The following HECTD4 variants were observed in gnomAD, a reference collection of about 807,000 sequenced individuals.
HECTD4 encodes probable E3 ubiquitin-protein ligase HECTD4.
A neutral mutation model predicts 471.5 loss-of-function variants in HECTD4; 114 were observed. The ratio of observed to expected loss-of-function variants is 0.24; its 90% CI spans 0.21 to 0.28. The LOEUF (loss-of-function observed/expected upper bound fraction) is 0.28, where lower values mean the gene tolerates loss of function less well. Among genes scored for constraint, HECTD4 ranks in the 10% least tolerant of loss-of-function variants. HECTD4 has a pLI of 1.00. For missense variants in HECTD4, 3,866 were observed against 5,651.5 expected, an observed-to-expected ratio of 0.68 and a Z score of 10.13; for synonymous variants, 2,012 against 2,256.0, an observed-to-expected ratio of 0.89 and a Z score of 3.07.
At chr12:112,177,190 T>C (rs1207974727) in intron 64 of HECTD4, among the ~76,000 whole-genome samples, 1 of 152,150 alleles carries the variant, frequency 6.6e-6, no homozygotes, top group Non-Finnish European at 1.5e-5. Flanking sequence ...GAAACACCAT[T>C]TCTACATAAT....
intron 1 of HECTD4, among the ~76,000 whole-genome samples, chr12:112,351,484 G>C (rs1276917453): frequency 6.6e-6 from 1 of 152,174 alleles, no homozygotes; most frequent in African/African-American, 2.4e-5. Flanking sequence ...TCTTTTAATA[G>C]TAGAAAACCA....
At chr12:112,175,975 C>T in intron 65 of HECTD4, 116 bp from the exon 66 acceptor site, 2 of 1,291,618 alleles carry the variant, frequency 1.5e-6, no homozygotes, top group Non-Finnish European at 2.2e-6. Context: ...TCTAATTCCC[C>T]TCTCCCTCCC....
intron 2 of HECTD4, among the ~76,000 whole-genome samples, chr12:112,316,145 C>T (rs561568683): frequency 1.3e-4 from 20 of 152,116 alleles, no homozygotes; most frequent in Non-Finnish European, 2.6e-4. Flanking sequence ...TCTACTATCA[C>T]GTTCCAGAAA....
chr12:112,367,230 T>C (rs1594079431), intron 1 of HECTD4, among the ~76,000 whole-genome samples: 1 of 146,888 alleles, frequency 6.8e-6, no homozygotes, highest in Non-Finnish European at 1.5e-5. Flanking sequence ...ACCGGGGAGG[T>C]AGAGGTTGCA....
At chr12:112,265,738 C>T (rs1440756001) in intron 15 of HECTD4, 140 bp downstream of exon 15, 4 of 630,850 alleles carry the variant, frequency 6.3e-6, no homozygotes, top group Non-Finnish European at 1.1e-5. Context: ...TATTATCTTT[C>T]AACTGGTCCA....
intron 7 of HECTD4, among the ~76,000 whole-genome samples, chr12:112,303,794 G>A (rs1009821938): frequency 2.8e-4 from 42 of 150,238 alleles, no homozygotes; most frequent in African/African-American, 1.0e-3. Context: ...AGGCCACAAT[G>A]AGCCATGACT....
intron 54 of HECTD4, among the ~76,000 whole-genome samples, chr12:112,201,921 T>C (rs2032440726): frequency 6.6e-6 from 1 of 152,252 alleles, no homozygotes; most frequent in Admixed American, 6.5e-5. Flanking sequence ...TTAGGGATTA[T>C]TAAACTGGAG....
intron 19 of HECTD4, chr12:112,258,904 G>A (rs1327416533): frequency 5.2e-6 from 3 of 581,982 alleles, no homozygotes; most frequent in African/African-American, 1.9e-5. Context: ...TTGCTAAAAG[G>A]TTGCAGTTAG....
chr12:112,306,262 T>A, intron 6 of HECTD4, 28 bp from the exon 7 acceptor site: 1 of 1,455,642 alleles, frequency 6.9e-7, no homozygotes, highest in Non-Finnish European at 9.1e-7. Context: ...GAAATCTCCA[T>A]TAGAGCCACA....
chr12:112,289,823 T>C (rs1488375666), intron 7 of HECTD4, among the ~76,000 whole-genome samples: 30 of 152,030 alleles, frequency 2.0e-4, no homozygotes, highest in Admixed American at 2.0e-3. Context: ...ATTACAGGTG[T>C]GTACCACCAC....
intron 1 of HECTD4, among the ~76,000 whole-genome samples, chr12:112,339,271 CAT>C (rs1344642475): frequency 7.1e-6 from 1 of 141,598 alleles, no homozygotes; most frequent in African/African-American, 2.9e-5. Flanking sequence ...TATAGTGACA[CAT>C]ATCAACACAC....
chr12:112,182,068 G>A (rs896391809), intron 62 of HECTD4, among the ~76,000 whole-genome samples: 4 of 151,944 alleles, frequency 2.6e-5, no homozygotes, highest in South Asian at 2.1e-4. Context: ...ACTCCAGCCC[G>A]GGTGACAGAG....
intron 7 of HECTD4, among the ~76,000 whole-genome samples, chr12:112,286,345 A>G (rs1410018619): frequency 6.6e-6 from 1 of 152,134 alleles, no homozygotes; most frequent in South Asian, 2.1e-4. Flanking sequence ...AGGCACCCCA[A>G]TGGTTTACTC....
At chr12:112,172,477 C>T (rs897402362) in intron 67 of HECTD4, among the ~76,000 whole-genome samples, 194 bp downstream of exon 67, 1 of 152,260 alleles carries the variant, frequency 6.6e-6, no homozygotes, top group Non-Finnish European at 1.5e-5. Flanking sequence ...ACTAATTAGG[C>T]CACAGTCCTG....
At chr12:112,302,778 T>C (rs191693657) in intron 7 of HECTD4, 1 of 283,476 alleles carries the variant, frequency 3.5e-6, no homozygotes, top group East Asian at 9.1e-5. Context: ...TCTGCTCTTT[T>C]TGTTTAATTT....
At chr12:112,326,772 C>T (rs73425426) in intron 1 of HECTD4, among the ~76,000 whole-genome samples, 6,230 of 152,122 alleles carry the variant, frequency 0.041, 279 homozygotes, top group African/African-American at 0.11. Context: ...GGATAAACAT[C>T]GATTTCCATC....
chr12:112,281,831 C>T (rs1053575519), intron 8 of HECTD4, among the ~76,000 whole-genome samples: 3 of 152,076 alleles, frequency 2.0e-5, no homozygotes, highest in Non-Finnish European at 2.9e-5. Flanking sequence ...AATTCAGATG[C>T]AGTTTTCTAC....
In HECTD4 at chr12:112,239,771, C is replaced by T. The variant is rs1324136895; in HGVS notation, c.5105+110G>A. ...CAGGAGAAAAGTTTTGTATAGCTAG[C>T]TCTGGATAATGAAAGCAAAAAATCC... On this transcript the variant is annotated intron_variant, in intron 33 of 75. Transcript: ENST00000682272. This position sits in a 1 kb window ranked among gnomAD's most constrained non-coding sequence, Gnocchi z 4.9. 1 of 1,015,870 alleles carries T rather than the reference C, an allele frequency of 9.8e-7. No individual in the cohort carries two copies. Among genetic ancestry groups the T allele is most frequent in the South Asian group, 2.3e-5 (1 of 44,230 alleles). 62.9% of individuals were successfully genotyped at this position (1,015,870 alleles called of 1,614,324 possible).
rs555703339 is a variant in HECTD4 at position 112,185,383 on chromosome 12, C to T, written c.9583G>A (p.Ala3195Thr). 59 of 1,611,510 alleles carry T rather than the reference C, an allele frequency of 3.7e-5. No homozygotes were observed. In the East Asian group the frequency reaches 1.1e-3, roughly 30 times the overall value. Residue 3195 changes from alanine to threonine, a missense_variant, in exon 61 of 76, where the codon GCT becomes ACT. Ala to Thr is a moderately conservative substitution (Grantham distance 58). Around this residue, in one of 16 missense-constraint regions of HECTD4, gnomAD observed 364 missense variants for 413.2 expected, o/e 0.88. Transcript: ENST00000682272. ...VHTLEQRRHP[A>T]GLSSSIALQL... ...AGGGCGATTGAGGAGGACAGGCCAGCGGGGTGCCGCCTCTGCTCCAGGGTG... is the reference window on the plus strand; with the variant it reads ...AGGGCGATTGAGGAGGACAGGCCAGTGGGGTGCCGCCTCTGCTCCAGGGTG...
Sources: allele counts gnomAD v4.1 joint callset (sites outside exome capture counted in the v4.1 genomes callset), GRCh38; gene constraint gnomAD v4.1.1; regional missense constraint gnomAD v4.1.1; non-coding constraint Gnocchi (gnomAD v3.1); transcripts MANE v1.5; gene names NCBI Gene and HGNC (gene_info 2026-07-23, HGNC 2026-07-21).